ULK4: variants seen among roughly 807,000 people sequenced by gnomAD.
ULK4 encodes the protein inactive serine/threonine-protein kinase ULK4.
ULK4 carries 133 observed loss-of-function variants against 160.6 expected under a neutral mutation model. The ratio of observed to expected loss-of-function variants is 0.83; its 90% CI spans 0.72 to 0.96. ULK4 has a LOEUF of 0.96. Among genes scored for constraint, ULK4 ranks in the 40% least tolerant of loss-of-function variants. The pLI, the probability that ULK4 is intolerant of heterozygous loss-of-function variation, is 0.00. For missense variants in ULK4, 1,580 were observed against 1,499.5 expected, an observed-to-expected ratio of 1.05 and a Z score of -0.89; for synonymous variants, 534 against 539.8, an observed-to-expected ratio of 0.99 and a Z score of 0.15.
At chr3:41,469,617 A>AAAAAAAAAAAC (rs1485368655) in intron 32 of ULK4, among the ~76,000 whole-genome samples, 3 of 148,424 alleles carry the variant, frequency 2.0e-5, no homozygotes, top group Non-Finnish European at 3.0e-5. Context: ...AAAAAAAAAA[A>AAAAAAAAAAAC]AAAAAAAAAA....
intron 35 of ULK4, among the ~76,000 whole-genome samples, chr3:41,291,881 A>G (rs2125703629): frequency 6.9e-6 from 1 of 145,642 alleles, no homozygotes; most frequent in South Asian, 2.2e-4. Context: ...CCCAGGCTGG[A>G]GCGCAGTGGC....
chr3:41,273,497 C>T lies in ULK4; in HGVS notation c.3679-23923G>A, dbSNP rs577456575. The stretch of plus-strand genomic sequence containing the variant: ...AAATACTCAAGAGAAACCATCCATA[C>T]ATTTCCAGGGTTCCGCTCCAGTACT... On this transcript the variant is annotated intron_variant, in intron 35 of 36. Transcript: ENST00000301831. Among the ~76,000 whole-genome samples the T allele has an allele frequency of 2.6e-5, 4 of 152,292 alleles. No individual in the cohort carries two copies. In the South Asian group the frequency reaches 8.3e-4, roughly 32 times the overall value.
At chr3:41,710,088 T>A (rs1265852703) in intron 25 of ULK4, among the ~76,000 whole-genome samples, 1 of 152,152 alleles carries the variant, frequency 6.6e-6, no homozygotes, top group Non-Finnish European at 1.5e-5. Context: ...ACCACTCACA[T>A]GTACTGTCTT....
rs58001920 is a variant in ULK4, at chr3:41,906,216, C to CAAAAAAAAAAAA, written c.1182+1617_1182+1628dup. On this transcript the variant is annotated intron_variant, in intron 12 of 36. Coordinates refer to ENST00000301831, the MANE Select transcript of ULK4 (RefSeq NM_017886.4). ...TGGGCGACAGAGCGAGACTCCGTCT[C>CAAAAAAAAAAAA]AAAAAAAAAAAAAAAAAAAAAGTTA... Among the ~76,000 whole-genome samples the CAAAAAAAAAAAA allele has an allele frequency of 1.2e-4, 8 of 67,102 alleles. 1 individual carries two copies. The highest frequency in any genetic ancestry group is 3.8e-4 in the African/African-American group (6 of 15,652). 44.0% of individuals were successfully genotyped at this position (67,102 alleles called of 152,430 possible).
At chr3:41,628,711 T>TAC (rs2033627622) in intron 30 of ULK4, among the ~76,000 whole-genome samples, 1 of 152,222 alleles carries the variant, frequency 6.6e-6, no homozygotes, top group Non-Finnish European at 1.5e-5. Flanking sequence ...GAGTATGATC[T>TAC]ACAGTTCGGT....
At chr3:41,553,925 T>C (rs952602572) in intron 32 of ULK4, among the ~76,000 whole-genome samples, 3 of 152,122 alleles carry the variant, frequency 2.0e-5, no homozygotes, top group African/African-American at 7.2e-5. Flanking sequence ...GTCTTATTCA[T>C]TCTTTCTAAC....
chr3:41,590,072 G>C (rs1372725812), intron 31 of ULK4, among the ~76,000 whole-genome samples: 1 of 151,508 alleles, frequency 6.6e-6, no homozygotes, highest in East Asian at 2.0e-4. Flanking sequence ...GCGCGATCTC[G>C]GCTCACTGTA....
chr3:41,919,219 C>A (rs1699084669), intron 6 of ULK4, among the ~76,000 whole-genome samples: 1 of 152,134 alleles, frequency 6.6e-6, no homozygotes, highest in Admixed American at 6.6e-5. Context: ...TGAAAAATTA[C>A]CTATTTATCA....
intron 32 of ULK4, among the ~76,000 whole-genome samples, chr3:41,490,986 G>C (rs181028634): frequency 2.6e-5 from 4 of 152,202 alleles, no homozygotes; most frequent in Admixed American, 2.6e-4. Context: ...CACAGAATTT[G>C]TTGCAAAAAG....
chr3:41,961,247 T>A (rs1700655532), intron 1 of ULK4, among the ~76,000 whole-genome samples: 1 of 152,128 alleles, frequency 6.6e-6, no homozygotes, highest in African/African-American at 2.4e-5. Flanking sequence ...GTGCCCACTT[T>A]CAGCACAATC....
chr3:41,752,717 A>G (rs2125896046), intron 22 of ULK4, among the ~76,000 whole-genome samples: 1 of 152,292 alleles, frequency 6.6e-6, no homozygotes, highest in South Asian at 2.1e-4. Flanking sequence ...TCAAAGACAA[A>G]ACACATTAAA....
chr3:41,793,239 C>G (rs2040204315), intron 20 of ULK4, among the ~76,000 whole-genome samples: 1 of 151,734 alleles, frequency 6.6e-6, no homozygotes, highest in South Asian at 2.1e-4. Context: ...AAAAACTGTT[C>G]CAGTTCAAAA....
intron 17 of ULK4, among the ~76,000 whole-genome samples, chr3:41,878,871 C>A (rs1697408630): frequency 1.3e-5 from 2 of 151,618 alleles, no homozygotes; most frequent in Admixed American, 6.6e-5. Flanking sequence ...AAATACAGCA[C>A]CAACTGTGAC....
rs547534658 is a variant in ULK4, at chr3:41,762,532, TCA to T, written c.2194-8046_2194-8045del. Among the ~76,000 whole-genome samples the T allele has an allele frequency of 2.3e-3, 352 of 152,074 alleles. 1 individual carries two copies. The highest frequency in any genetic ancestry group is 3.9e-3 in the Non-Finnish European group (263 of 67,986). ...TATAAAGGAAAGAGGTTTGATTAAC[TCA>T]CAGTTCCACATGGCTAGGGAGGCCT... On this transcript the variant is annotated intron_variant, in intron 21 of 36. Transcript: ENST00000301831.
rs190625872 is a variant in ULK4 at position 41,734,713 on chromosome 3, A to T, written c.2322-16852T>A. Among the ~76,000 whole-genome samples the T allele has an allele frequency of 2.5e-4, 38 of 152,344 alleles. No individual in the cohort carries two copies. In the East Asian group the frequency reaches 6.4e-3, roughly 26 times the overall value. ...AAACTACAAAGATAAACTCCAGTTT[A>T]AATTCCCAAGTTGCACTGAAGCATT... On this transcript the variant is annotated intron_variant, in intron 22 of 36. Coordinates refer to ENST00000301831, the MANE Select transcript of ULK4 (RefSeq NM_017886.4).
intron 35 of ULK4, among the ~76,000 whole-genome samples, chr3:41,252,666 G>A (rs1460798269): frequency 6.7e-6 from 1 of 149,388 alleles, no homozygotes; most frequent in African/African-American, 2.5e-5. Flanking sequence ...AGGGACCTAT[G>A]AGACAATAGC....
chr3:41,593,682 CT>C (rs1368439713), intron 31 of ULK4, among the ~76,000 whole-genome samples: 1 of 152,128 alleles, frequency 6.6e-6, no homozygotes, highest in African/African-American at 2.4e-5. Context: ...TCAGGCTTTT[CT>C]TTATATTTTA....
chr3:41,831,531 A>ATATATATATATATAGATATAT, intron 18 of ULK4, among the ~76,000 whole-genome samples: 8 of 138,066 alleles, frequency 5.8e-5, no homozygotes, highest in African/African-American at 2.0e-4. Context: ...ATATATATAT[A>ATATATATATATATAGATATAT]TTTTTTTTTC....
chr3:41,436,725 T>C (rs2083045861), intron 34 of ULK4, among the ~76,000 whole-genome samples: 2 of 152,158 alleles, frequency 1.3e-5, no homozygotes, highest in African/African-American at 4.8e-5. Flanking sequence ...CGTCCTTTCA[T>C]AGTAATTAGG....
Sources: allele counts gnomAD v4.1 joint callset (sites outside exome capture counted in the v4.1 genomes callset), GRCh38; gene constraint gnomAD v4.1.1; transcripts MANE v1.5; gene names NCBI Gene and HGNC (gene_info 2026-07-23, HGNC 2026-07-21).